NWD1: variants seen among roughly 807,000 people sequenced by gnomAD.
NWD1 encodes NACHT and WD repeat domain containing 1.
NWD1 carries 129 observed loss-of-function variants against 135.1 expected under a neutral mutation model. The observed-to-expected ratio is 0.96, with a 90% CI of 0.83 to 1.11. NWD1 has a LOEUF of 1.11. Ranked by LOEUF, NWD1 falls within the 50% of genes least tolerant of loss-of-function variation. The pLI is 0.00. For synonymous variants in NWD1, 773 were observed against 786.0 expected (o/e 0.98, Z 0.28); for missense variants, 1,740 against 1,851.3 (o/e 0.94, Z 1.10).
In NWD1 at chr19:16,817,888, G is replaced by T. The variant is rs1249972699; in HGVS notation, c.*2849G>T. The T allele has an allele frequency of 6.6e-6, 1 of 152,084 alleles. No individual in the cohort carries two copies. Among genetic ancestry groups the T allele is most frequent in the Admixed American group, 6.6e-5 (1 of 15,242 alleles). The allele number at this position is 152,084 out of a possible 1,614,324, so 9.4% of individuals were successfully genotyped here. A position where few individuals can be genotyped will look rare whatever the true frequency, so the allele number is the denominator to read the frequency against. ...TCCACAGCCTCAGTGAGAATTGATT[G>T]TTTTGTAGATAAATCCTAATTTAAA... On this transcript the variant is annotated 3_prime_UTR_variant, in exon 19 of 19. Transcript: ENST00000524140.
rs773702289 is a variant in NWD1 at position 16,750,058 on chromosome 19, A to G, written c.1416A>G (p.Ala472=). 6.4e-5 allele frequency: 104 copies of G among 1,613,778 alleles called. No homozygotes were observed. The highest frequency in any genetic ancestry group is 8.5e-5 in the Non-Finnish European group (100 of 1,179,980). The part of the protein sequence containing the change: ...VHLILSACSG[A]LGVLDTLQRV... ...TCATCCTCTCAGCTTGCTCGGGGGC[A>G]CTGGGGGTTTTGGACACCTTGCAGC... Residue 472 remains alanine (A), a synonymous_variant, in exon 6 of 19, where the codon GCA becomes GCG. Transcript: ENST00000524140.
intron 18 of NWD1, chr19:16,812,716 A>G (rs1970960398): frequency 1.3e-6 from 1 of 780,216 alleles, no homozygotes; most frequent in Admixed American, 1.7e-5. Flanking sequence ...CCCAAGAAAA[A>G]GAGAGATCAT....
chr19:16,807,804 GACA>G lies in NWD1; in HGVS notation c.3959_3961del (p.Asn1320del). The G allele has an allele frequency of 2.5e-6, 4 of 1,614,122 alleles. No individual in the cohort carries two copies. Among genetic ancestry groups the G allele is most frequent in the East Asian group, 2.2e-5 (1 of 44,866 alleles). On this transcript the variant is annotated inframe_deletion, in exon 18 of 19. Transcript: ENST00000524140. ...CGAGGACCGCCTGGCCATCGCCTATGACAACATCGTCCTGGTGCTGGACATCAC... is the reference window on the plus strand; with the variant it reads ...CGAGGACCGCCTGGCCATCGCCTATGACATCGTCCTGGTGCTGGACATCAC...
At chr19:16,751,165 C>A (rs985576649) in intron 6 of NWD1, among the ~76,000 whole-genome samples, 1 of 148,376 alleles carries the variant, frequency 6.7e-6, no homozygotes, top group Admixed American at 6.8e-5. Flanking sequence ...TGGAGGTTGC[C>A]GTGAGCCGAG....
At chr19:16,787,281 C>G (rs1351211249) in intron 12 of NWD1, among the ~76,000 whole-genome samples, 1 of 151,948 alleles carries the variant, frequency 6.6e-6, no homozygotes, top group African/African-American at 2.4e-5. Flanking sequence ...TGCATGCCAC[C>G]CCACCTGGCT....
intron 4 of NWD1, 106 bp downstream of exon 4, chr19:16,736,856 C>T (rs967657720): frequency 3.9e-5 from 28 of 721,676 alleles, no homozygotes; most frequent in Admixed American, 1.0e-4. Context: ...TTTCTGCTTT[C>T]GTACCTTATC....
chr19:16,786,508 C>T (rs1037927063), intron 12 of NWD1, among the ~76,000 whole-genome samples: 3 of 151,796 alleles, frequency 2.0e-5, no homozygotes, highest in Non-Finnish European at 4.4e-5. Context: ...TTCCCCATTC[C>T]AGTAGTCCCC....
chr19:16,761,676 C>G (rs1452854721), intron 7 of NWD1, among the ~76,000 whole-genome samples: 1 of 152,102 alleles, frequency 6.6e-6, no homozygotes, highest in East Asian at 1.9e-4. Flanking sequence ...ACACCTGTTT[C>G]TTAATTCTCG....
chr19:16,748,039 A>G (rs938801241), intron 5 of NWD1, among the ~76,000 whole-genome samples: 9 of 152,340 alleles, frequency 5.9e-5, no homozygotes, highest in Non-Finnish European at 8.8e-5. Flanking sequence ...GCTGAAGTGC[A>G]GTGACATGAT....
At chr19:16,750,988 G>A (rs565014643) in intron 6 of NWD1, among the ~76,000 whole-genome samples, 178 of 152,048 alleles carry the variant, frequency 1.2e-3, no homozygotes, top group Non-Finnish European at 1.5e-3. Context: ...TTGGGAGGCC[G>A]AGGCGGGCGG....
At chr19:16,728,585 AC>A (rs1460814906) in intron 2 of NWD1, among the ~76,000 whole-genome samples, 2 of 150,078 alleles carry the variant, frequency 1.3e-5, no homozygotes, top group Non-Finnish European at 1.5e-5. Context: ...ATGCCTGGCC[AC>A]ACCACTCCAT....
In NWD1 at chr19:16,762,115, A is replaced by G. The variant is rs755182529; in HGVS notation, c.2110A>G (p.Lys704Glu). ...GCTCATCACTCTGCCACTTGTGGGG[A>G]AACCACTGAACTTGGACCGAAAGGT... is the stretch of plus-strand genomic sequence containing the variant. Reference protein sequence around the residue: ...KKLITLPLVGKPLNLDRKVAP... With the variant: ...KKLITLPLVGEPLNLDRKVAP... The change falls in exon 8 of 19, where the codon AAA becomes GAA. Residue 704 changes from lysine to glutamate, a missense_variant. By Grantham distance (56) the Lys-to-Glu change is moderately conservative (BLOSUM62 1). Transcript: ENST00000524140. 2 of 1,613,852 alleles carry G rather than the reference A, an allele frequency of 1.2e-6. No individual in the cohort carries two copies. The highest frequency in any genetic ancestry group is 1.7e-6 in the Non-Finnish European group (2 of 1,179,870).
intron 14 of NWD1, 66 bp downstream of exon 14, chr19:16,791,688 AGTTGGG>A: frequency 6.8e-7 from 1 of 1,467,992 alleles, no homozygotes; most frequent in Admixed American, 1.8e-5. Context: ...ATGTGCTAGA[AGTTGGG>A]AAAAATAATC....
At chr19:16,788,858 A>C in intron 12 of NWD1, 124 bp from the exon 13 acceptor site, 1 of 722,934 alleles carries the variant, frequency 1.4e-6, no homozygotes, top group Non-Finnish European at 2.5e-6. Flanking sequence ...TGACTTTCAC[A>C]ATTCAATTCC....
At chr19:16,739,329 CAAAAAAA>C (rs67106916) in intron 4 of NWD1, among the ~76,000 whole-genome samples, 12 of 78,972 alleles carry the variant, frequency 1.5e-4, no homozygotes, top group South Asian at 9.3e-4. Flanking sequence ...CTATCTCTAC[CAAAAAAA>C]AAAAAAAAAA....
Position 16,773,215 on chromosome 19 carries a change from G to A in NWD1, c.2500G>A (p.Ala834Thr), listed in dbSNP as rs1366134003. 3 of 1,613,792 alleles carry A rather than the reference G, an allele frequency of 1.9e-6. No homozygotes were observed. The South Asian group carries it at 3.3e-5, about 18-fold the overall frequency. Residue 834 changes from alanine (A) to threonine (T), a missense_variant, in exon 11 of 19, where the codon GCC becomes ACC. By Grantham distance (58) the Ala-to-Thr change is moderately conservative. Coordinates refer to ENST00000524140, the MANE Select transcript of NWD1 (RefSeq NM_001007525.5). ...ACTGGTGGGACAGCTATGCCAACAG[G>A]CCCAGAGCTGGTTCCAGTTGTGCGC... ...PALVGQLCQQ[A>T]QSWFQLCAHP... is the part of the protein sequence containing the mutation.
chr19:16,738,617 T>C (rs929680058), intron 4 of NWD1, among the ~76,000 whole-genome samples: 5 of 146,072 alleles, frequency 3.4e-5, no homozygotes, highest in African/African-American at 1.3e-4. Flanking sequence ...ATATTCTATT[T>C]TCTGAGATCT....
At position 16,800,181 on chromosome 19, in the gene NWD1, T is replaced by C. The variant is rs753001812; in HGVS notation, c.3736+19T>C. 3.8e-6 allele frequency: 6 copies of C among 1,580,270 alleles called. No homozygotes were observed. In the African/African-American group the frequency reaches 6.8e-5, roughly 18 times the overall value. On this transcript the variant is annotated intron_variant, in intron 17 of 18. Coordinates refer to ENST00000524140, the MANE Select transcript of NWD1 (RefSeq NM_001007525.5). The stretch of plus-strand genomic sequence containing the variant: ...GCAGAAGGTTGGTAAGGTATAAGTA[T>C]GGTCATTTTTGTGGGTAAGGCTTGG...
At chr19:16,764,731 G>A (rs186327339) in intron 9 of NWD1, among the ~76,000 whole-genome samples, 58 of 152,020 alleles carry the variant, frequency 3.8e-4, no homozygotes, top group African/African-American at 1.1e-3. Context: ...ACCAATCCCC[G>A]TGATTCTTAA....
Sources: gnomAD v4.1 joint callset for allele counts (sites outside exome capture counted in the v4.1 genomes callset) on GRCh38, gnomAD v4.1.1 for gene constraint, MANE v1.5 for transcripts, NCBI Gene and HGNC (gene_info 2026-07-23, HGNC 2026-07-21) for gene names.